PCDH11Y: variants seen among roughly 807,000 people sequenced by gnomAD.
PCDH11Y encodes the protein protocadherin 11 Y-linked, also known as protocadherin-11 Y-linked.
For synonymous variants in PCDH11Y, 9 were observed against 83.6 expected (o/e 0.11, Z 4.87); for missense variants, 12 against 224.8 (o/e 0.05, Z 6.05).
chrY:5,732,975 C>G, intron 4 of PCDH11Y, among the ~76,000 whole-genome samples: 1 of 32,934 alleles, frequency 3.0e-5, no homozygotes, highest in African/African-American at 1.2e-4. Context: ...TTTTAAATTC[C>G]TTAAGTTAGT....
intron 2 of PCDH11Y, among the ~76,000 whole-genome samples, chrY:5,156,721 T>A: frequency 3.3e-5 from 1 of 30,399 alleles, no homozygotes; most frequent in Non-Finnish European, 7.9e-5. Context: ...ACTGCAGTAA[T>A]TAACAGGCCA....
chrY:5,028,902 G>T (rs2052583820), intron 1 of PCDH11Y, among the ~76,000 whole-genome samples: 1 of 33,109 alleles, frequency 3.0e-5, no homozygotes, highest in South Asian at 6.7e-4. Context: ...GTGTGTCTGT[G>T]GGGGGGAGAC....
intron 4 of PCDH11Y, among the ~76,000 whole-genome samples, chrY:5,659,921 C>T (rs2053539799): frequency 5.9e-4 from 17 of 28,899 alleles, no homozygotes; most frequent in African/African-American, 2.2e-3. Context: ...AGCCCAAGGC[C>T]CATGGAGTAC....
intron 4 of PCDH11Y, among the ~76,000 whole-genome samples, chrY:5,659,756 G>T (rs1308804114): frequency 7.7e-5 from 2 of 26,029 alleles, no homozygotes; most frequent in Admixed American, 8.3e-4. Context: ...GAGCCTGCTT[G>T]TTGCTCTACT....
intron 2 of PCDH11Y, among the ~76,000 whole-genome samples, chrY:5,400,834 C>G (rs374702563): frequency 4.3e-5 from 1 of 23,093 alleles, no homozygotes; most frequent in Non-Finnish European, 9.6e-5. Context: ...AAAGAGACCA[C>G]TTATTTCATT....
chrY:5,641,767 C>T, intron 4 of PCDH11Y, among the ~76,000 whole-genome samples: 2 of 32,722 alleles, frequency 6.1e-5, no homozygotes, highest in Non-Finnish European at 1.5e-4. Context: ...CATGGATAGA[C>T]TTGTTGGACA....
At chrY:5,104,346 T>C (rs2052784188), downstream of PCDH11Y, 1 of 395,527 alleles carries the variant, frequency 2.5e-6, no homozygotes, top group African/African-American at 6.4e-5. Flanking sequence ...TGTCCTAGAC[T>C]GATTCCAGGA....
At chrY:5,505,217 A>T in intron 3 of PCDH11Y, among the ~76,000 whole-genome samples, 1 of 33,482 alleles carries the variant, frequency 3.0e-5, no homozygotes, top group Non-Finnish European at 7.5e-5. Flanking sequence ...AAAGAGGCTC[A>T]AATCAGTCTT....
chrY:5,488,845 A>G, intron 2 of PCDH11Y, among the ~76,000 whole-genome samples: 1 of 33,063 alleles, frequency 3.0e-5, no homozygotes, highest in East Asian at 7.8e-4. Flanking sequence ...TCAGTATTGG[A>G]CCTAGAGTCA....
intron 2 of PCDH11Y, among the ~76,000 whole-genome samples, chrY:5,120,304 G>A: frequency 6.5e-5 from 2 of 30,556 alleles, no homozygotes; most frequent in Non-Finnish European, 1.6e-4. Context: ...ATAATATTAC[G>A]AGCTAGATAT....
chrY:5,167,357 GA>G (rs2052880453), intron 2 of PCDH11Y, among the ~76,000 whole-genome samples: 2 of 25,129 alleles, frequency 8.0e-5, no homozygotes, highest in African/African-American at 1.6e-4. Flanking sequence ...TAGAAAGTAA[GA>G]AAAAAAAAAG....
chrY:5,642,144 T>A, intron 4 of PCDH11Y, among the ~76,000 whole-genome samples: 1 of 33,117 alleles, frequency 3.0e-5, no homozygotes, highest in Non-Finnish European at 7.5e-5. Flanking sequence ...CAAGAGTTAT[T>A]CTCAGCAGTT....
intron 2 of PCDH11Y, among the ~76,000 whole-genome samples, chrY:5,433,165 C>A: frequency 3.0e-5 from 1 of 33,833 alleles, no homozygotes; most frequent in Non-Finnish European, 7.4e-5. Context: ...TAAAAATAGT[C>A]CAATTTTGCA....
chrY:5,328,004 C>T (rs2053124316), intron 2 of PCDH11Y, among the ~76,000 whole-genome samples: 3 of 33,078 alleles, frequency 9.1e-5, no homozygotes, highest in South Asian at 6.9e-4. Flanking sequence ...TAAAGCTCGG[C>T]GTCTGTGATG....
At chrY:5,357,250 CGT>C (rs2053168807) in intron 2 of PCDH11Y, among the ~76,000 whole-genome samples, 1 of 12,724 alleles carries the variant, frequency 7.9e-5, no homozygotes, top group Non-Finnish European at 1.5e-4. Flanking sequence ...TATATATATA[CGT>C]ATATATATAT....
chrY:5,459,794 G>A, intron 2 of PCDH11Y, among the ~76,000 whole-genome samples: 1 of 32,952 alleles, frequency 3.0e-5, no homozygotes, highest in Non-Finnish European at 7.6e-5. Context: ...TATAAAATAA[G>A]TTCATTGTCT....
intron 2 of PCDH11Y, among the ~76,000 whole-genome samples, chrY:5,229,506 G>T: frequency 3.3e-5 from 1 of 30,095 alleles, no homozygotes; most frequent in Non-Finnish European, 7.9e-5. Flanking sequence ...TAGTAGAGAC[G>T]GGTTTCACCA....
chrY:5,738,464 C>G, exon 5 of PCDH11Y: 1 of 42,396 alleles, frequency 2.4e-5, no homozygotes, highest in Non-Finnish European at 5.4e-5. Flanking sequence ...TAGTGAGTCT[C>G]CCTTCAAAAT....
intron 2 of PCDH11Y, among the ~76,000 whole-genome samples, chrY:5,265,514 GA>G (rs2053024469): frequency 4.6e-5 from 1 of 21,835 alleles, no homozygotes; most frequent in Non-Finnish European, 1.0e-4. Flanking sequence ...ATCTGCACAT[GA>G]AAAAAAGAGA....
Sources: gnomAD v4.1 joint callset for allele counts (sites outside exome capture counted in the v4.1 genomes callset) on GRCh38, gnomAD v4.1.1 for gene constraint, MANE v1.5 for transcripts, NCBI Gene and HGNC (gene_info 2026-07-23, HGNC 2026-07-21) for gene names.